The following TMEM117 variants were observed in gnomAD, a reference collection of about 807,000 sequenced individuals.
TMEM117 encodes the protein transmembrane protein 117.
In TMEM117, 27 loss-of-function variants were observed where a neutral mutation model predicts 52.4. The observed-to-expected ratio is 0.51, with a 90% confidence interval of 0.38 to 0.71. TMEM117 has a LOEUF of 0.71. Among genes scored for constraint, TMEM117 ranks in the 30% least tolerant of loss-of-function variants. The probability of loss-of-function intolerance (pLI) is 0.00; values close to 1 mark genes in which losing one functional copy is unlikely to be tolerated. For missense variants in TMEM117, 556 were observed against 630.5 expected, an observed-to-expected ratio of 0.88 and a Z score of 1.26; for synonymous variants, 215 against 206.3, an observed-to-expected ratio of 1.04 and a Z score of -0.36.
At chr12:44,238,314 G>T (rs2138472910) in intron 5 of TMEM117, among the ~76,000 whole-genome samples, 1 of 152,152 alleles carries the variant, frequency 6.6e-6, no homozygotes, top group South Asian at 2.1e-4. Flanking sequence ...ACTGATTTTT[G>T]TATGTTAAAT....
intron 3 of TMEM117, among the ~76,000 whole-genome samples, chr12:44,062,358 A>AC (rs1947153215): frequency 6.6e-6 from 1 of 152,222 alleles, no homozygotes; most frequent in Non-Finnish European, 1.5e-5. Context: ...TTAGGTATGC[A>AC]CCAGTTTTCT....
intron 7 of TMEM117, among the ~76,000 whole-genome samples, chr12:44,385,668 C>G (rs957929644): frequency 2.0e-5 from 3 of 152,138 alleles, no homozygotes; most frequent in Non-Finnish European, 2.9e-5. Context: ...CTTCCCCCAC[C>G]ATCTGGTCTG....
At chr12:44,223,422 C>T (rs1949817279) in intron 5 of TMEM117, among the ~76,000 whole-genome samples, 1 of 148,724 alleles carries the variant, frequency 6.7e-6, no homozygotes, top group Non-Finnish European at 1.5e-5. Context: ...CCAGACCTTA[C>T]TCAACCCCCA....
the TMEM117 span, among the ~76,000 whole-genome samples, chr12:43,808,294 G>A: frequency 6.6e-6 from 1 of 152,196 alleles, no homozygotes; most frequent in African/African-American, 2.4e-5. Context: ...TGACAGGGTT[G>A]TAGCTGCATG....
intron 2 of TMEM117, among the ~76,000 whole-genome samples, chr12:43,872,906 A>T (rs1442881519): frequency 6.6e-6 from 1 of 152,206 alleles, no homozygotes; most frequent in African/African-American, 2.4e-5. Context: ...AGAGAAAGAT[A>T]AAAAATGATG....
intron 3 of TMEM117, among the ~76,000 whole-genome samples, chr12:43,963,018 T>C (rs941219930): frequency 6.6e-6 from 1 of 151,724 alleles, no homozygotes; most frequent in Non-Finnish European, 1.5e-5. Context: ...AATAGGAAAT[T>C]ATATATATAT....
At chr12:44,342,283 G>T (rs373211426) in intron 6 of TMEM117, among the ~76,000 whole-genome samples, 6 of 152,116 alleles carry the variant, frequency 3.9e-5, no homozygotes, top group Non-Finnish European at 5.9e-5. Flanking sequence ...CTACATCTCT[G>T]CTTCCAGGAA....
At chr12:44,391,825 C>T (rs1952163348), downstream of TMEM117, among the ~76,000 whole-genome samples, 1 of 152,142 alleles carries the variant, frequency 6.6e-6, no homozygotes, top group African/African-American at 2.4e-5. Context: ...TAAATTTCAA[C>T]TCATGCTTAG....
At chr12:44,316,525 C>T (rs1194725514) in intron 6 of TMEM117, among the ~76,000 whole-genome samples, 1 of 152,076 alleles carries the variant, frequency 6.6e-6, no homozygotes, top group Non-Finnish European at 1.5e-5. Flanking sequence ...TTTTCTTTAG[C>T]ATTGTCCTTG....
chr12:44,292,588 C>T (rs765392125), intron 5 of TMEM117, among the ~76,000 whole-genome samples: 1 of 151,906 alleles, frequency 6.6e-6, no homozygotes, highest in Non-Finnish European at 1.5e-5. Flanking sequence ...TTATTATAGG[C>T]AGTTATGATT....
intron 5 of TMEM117, among the ~76,000 whole-genome samples, chr12:44,266,734 G>A (rs149984894): frequency 3.9e-4 from 60 of 152,180 alleles, no homozygotes; most frequent in African/African-American, 1.2e-3. Flanking sequence ...TTCTTCATGA[G>A]TTTTATAGCT....
At chr12:43,806,135 T>A in the TMEM117 span, 3 of 1,528,696 alleles carry the variant, frequency 2.0e-6, no homozygotes, top group African/African-American at 2.8e-5. Context: ...CCGGCCCGAC[T>A]CCAGCCCTGC....
At chr12:44,352,430 T>C (rs1018702671) in intron 6 of TMEM117, among the ~76,000 whole-genome samples, 1 of 152,136 alleles carries the variant, frequency 6.6e-6, no homozygotes, top group Non-Finnish European at 1.5e-5. Flanking sequence ...TATCTCCTAA[T>C]GCTATCCCTC....
chr12:44,092,953 G>C (rs549793221), intron 3 of TMEM117, among the ~76,000 whole-genome samples: 3 of 152,276 alleles, frequency 2.0e-5, no homozygotes, highest in African/African-American at 7.2e-5. Flanking sequence ...ACTTGACCTA[G>C]TTTGGAGTGG....
At chr12:44,096,953 A>G (rs1174798212) in intron 3 of TMEM117, among the ~76,000 whole-genome samples, 7 of 152,010 alleles carry the variant, frequency 4.6e-5, no homozygotes, top group South Asian at 4.1e-4. Flanking sequence ...GAAAATTTTC[A>G]CAACCTACTC....
At position 44,066,651 on chromosome 12, in the gene TMEM117, G is replaced by A. The variant is rs543408519; in HGVS notation, c.411-76874G>A. 2.5e-4 allele frequency among the ~76,000 whole-genome samples: 38 copies of A among 152,260 alleles called. 1 individual carries two copies. Among genetic ancestry groups the A allele is most frequent in the African/African-American group, 9.1e-4 (38 of 41,562 alleles). On this transcript the variant is annotated intron_variant, in intron 3 of 7. Transcript: ENST00000266534. ...TGCAGTAGGATTATGTCTAAAAGAT[G>A]TGCATAACTCAGTTAAAAAAACTTA...
intron 6 of TMEM117, among the ~76,000 whole-genome samples, chr12:44,349,468 T>C (rs998145591): frequency 6.6e-6 from 1 of 152,030 alleles, no homozygotes; most frequent in Non-Finnish European, 1.5e-5. Flanking sequence ...ATGGAGGAAA[T>C]TAGGCAGTGC....
intron 6 of TMEM117, among the ~76,000 whole-genome samples, chr12:44,331,540 C>T (rs894111704): frequency 6.6e-6 from 1 of 151,980 alleles, no homozygotes; most frequent in African/African-American, 2.4e-5. Flanking sequence ...AGATAAGGAA[C>T]TGTTAGATAA....
intron 5 of TMEM117, among the ~76,000 whole-genome samples, chr12:44,253,876 A>C (rs987332303): frequency 1.2e-4 from 17 of 143,288 alleles, no homozygotes; most frequent in Non-Finnish European, 1.5e-4. Flanking sequence ...ACACACACAC[A>C]CCTTCTCTCT....
Sources: allele counts gnomAD v4.1 joint callset (sites outside exome capture counted in the v4.1 genomes callset), GRCh38; gene constraint gnomAD v4.1.1; transcripts MANE v1.5; gene names NCBI Gene and HGNC (gene_info 2026-07-23, HGNC 2026-07-21).